RAPH1: variants seen among roughly 807,000 people sequenced by gnomAD.
RAPH1 encodes the protein Ras association (RalGDS/AF-6) and pleckstrin homology domains 1.
Under a neutral mutation model 88.1 loss-of-function variants are expected in RAPH1, and 18 were observed. The ratio of observed to expected loss-of-function variants is 0.20; its 90% CI spans 0.14 to 0.30. The LOEUF (loss-of-function observed/expected upper bound fraction) is 0.30. RAPH1 is among the 10% of genes least tolerant of loss of function. The probability of loss-of-function intolerance (pLI) is 1.00; values close to 1 mark genes in which losing one functional copy is unlikely to be tolerated. For missense variants in RAPH1, 1,448 were observed against 1,543.2 expected, an observed-to-expected ratio of 0.94 and a Z score of 1.03; for synonymous variants, 587 against 559.0, an observed-to-expected ratio of 1.05 and a Z score of -0.71.
intron 1 of RAPH1, among the ~76,000 whole-genome samples, chr2:203,513,209 TG>T (rs34396607): frequency 0.019 from 2,821 of 149,608 alleles, 94 homozygotes; most frequent in African/African-American, 0.065. Context: ...TGCAGAAAAA[TG>T]GGGGGGGGAA....
chr2:203,439,794 G>A lies in RAPH1; in HGVS notation c.3396C>T (p.Arg1132=), dbSNP rs73060644. The change falls in exon 14 of 14, where the codon CGC becomes CGT. Residue 1132 remains arginine (R), a synonymous_variant. Transcript: ENST00000319170. ...PTRPKRNDST[R]LTQAEISEQP... is the part of the protein sequence containing the mutation. ...GCTCAGAAATCTCAGCTTGAGTGAG[G>A]CGGGTGCTATCATTCCGTTTGGGTC... is the stretch of plus-strand genomic sequence containing the variant. 9.0e-4 allele frequency: 1,449 copies of A among 1,614,144 alleles called. 14 individuals carry two copies. The African/African-American group carries it at 0.017, about 19-fold the overall frequency.
chr2:203,516,457 A>G (rs1689610366), intron 1 of RAPH1, among the ~76,000 whole-genome samples: 1 of 152,256 alleles, frequency 6.6e-6, no homozygotes, highest in Non-Finnish European at 1.5e-5. Flanking sequence ...CAATTGAAAG[A>G]GATTTTTGTT....
At position 203,437,686 on chromosome 2, in the gene RAPH1, G is replaced by A. The variant is rs1220946605; in HGVS notation, c.*1751C>T. On this transcript the variant is annotated 3_prime_UTR_variant, in exon 14 of 14. Coordinates refer to ENST00000319170, the MANE Select transcript of RAPH1 (RefSeq NM_213589.3). ...CTCTGTTTACGATGCGGTTTTCGTG[G>A]AGTGTGGGTTATGCAAGACCTTGAG... The A allele has an allele frequency of 6.5e-6, 1 of 153,700 alleles. No homozygotes were observed. Among genetic ancestry groups the A allele is most frequent in the Non-Finnish European group, 1.4e-5 (1 of 69,182 alleles). 9.5% of individuals were successfully genotyped at this position (153,700 alleles called of 1,614,324 possible).
At chr2:203,527,946 C>T (rs750504899) in intron 1 of RAPH1, among the ~76,000 whole-genome samples, 10 of 151,864 alleles carry the variant, frequency 6.6e-5, no homozygotes, top group Non-Finnish European at 1.3e-4. Flanking sequence ...GAAACTGAAG[C>T]AAGAACAGAG....
chr2:203,534,526 T>G (rs1423469730), intron 1 of RAPH1, among the ~76,000 whole-genome samples: 2 of 14,964 alleles, frequency 1.3e-4, no homozygotes, highest in Non-Finnish European at 2.1e-4. Flanking sequence ...CCCCCCCCCA[T>G]GAATTGCAGT....
At chr2:203,488,580 C>T (rs1327344745) in intron 4 of RAPH1, among the ~76,000 whole-genome samples, 1 of 107,094 alleles carries the variant, frequency 9.3e-6, no homozygotes, top group Non-Finnish European at 1.8e-5. Flanking sequence ...GAATGAGACT[C>T]CGTCTATTAA....
rs753601844 is a variant in RAPH1 at position 203,439,660 on chromosome 2, G to C, written c.3530C>G (p.Ser1177Cys). Reference protein sequence around the residue: ...ADLNRTLQRKSITRHGSLSSR... With the variant: ...ADLNRTLQRKCITRHGSLSSR... ...GGAGAGTGAGCCGTGCCGAGTGATGGACTTTCGTTGCAGTGTCCTGTTGAG... is the reference window on the plus strand; with the variant it reads ...GGAGAGTGAGCCGTGCCGAGTGATGCACTTTCGTTGCAGTGTCCTGTTGAG... Residue 1177 changes from serine to cysteine, a missense_variant, in exon 14 of 14, where the codon TCC becomes TGC. Physicochemically the swap from Ser to Cys is moderately radical, Grantham distance 112. Transcript: ENST00000319170. 3 of 1,613,982 alleles carry C rather than the reference G, an allele frequency of 1.9e-6. No individual in the cohort carries two copies. The African/African-American group carries it at 4.0e-5, about 22-fold the overall frequency.
intron 9 of RAPH1, 122 bp downstream of exon 9, chr2:203,455,315 A>T: frequency 1.1e-6 from 1 of 903,588 alleles, no homozygotes; most frequent in Non-Finnish European, 1.7e-6. Flanking sequence ...ACAAAGCAAT[A>T]TTCTATGTCT....
chr2:203,460,357 T>A (rs751807658), intron 6 of RAPH1, among the ~76,000 whole-genome samples: 32 of 152,216 alleles, frequency 2.1e-4, no homozygotes, highest in Non-Finnish European at 4.6e-4. Context: ...TAAGTTTCGA[T>A]ATCAAGTATT....
At chr2:203,511,262 A>G (rs891283193) in intron 1 of RAPH1, among the ~76,000 whole-genome samples, 1 of 151,150 alleles carries the variant, frequency 6.6e-6, no homozygotes, top group Non-Finnish European at 1.5e-5. Flanking sequence ...CTAAAGGTAC[A>G]TTTCTTTAAA....
At chr2:203,507,488 C>T (rs1274449228) in intron 1 of RAPH1, among the ~76,000 whole-genome samples, 1 of 152,120 alleles carries the variant, frequency 6.6e-6, no homozygotes, top group Non-Finnish European at 1.5e-5. Flanking sequence ...CAACCTTAAC[C>T]AAGTGACCAA....
intron 1 of RAPH1, among the ~76,000 whole-genome samples, chr2:203,502,999 A>G (rs1366216431): frequency 2.0e-5 from 3 of 150,518 alleles, no homozygotes; most frequent in Non-Finnish European, 3.0e-5. Context: ...AATTAGCTGG[A>G]TGTAGTGGCT....
intron 1 of RAPH1, among the ~76,000 whole-genome samples, chr2:203,500,668 A>G (rs1230919933): frequency 6.6e-6 from 1 of 152,240 alleles, no homozygotes; most frequent in Non-Finnish European, 1.5e-5. Flanking sequence ...GTTTAACAAA[A>G]TATAAACAAC....
chr2:203,444,990 TGGAGTGGTTTGACTGAGACTCTG>T lies in RAPH1; in HGVS notation c.1634-3_1653del. On this transcript the variant is annotated splice_acceptor_variant and splice_polypyrimidine_tract_variant and coding_sequence_variant and intron_variant, in exon 13 of 14. Coordinates refer to ENST00000319170, the MANE Select transcript of RAPH1 (RefSeq NM_213589.3). LOFTEE classifies it high-confidence loss of function. ...TCAGAAACTCCGCTATCAGACTGATTGGAGTGGTTTGACTGAGACTCTGTTTAAAATAGTTTTTTAAACATAGG... is the reference window on the plus strand; with the variant it reads ...TCAGAAACTCCGCTATCAGACTGATTTTTAAAATAGTTTTTTAAACATAGG... The T allele has an allele frequency of 6.2e-7, 1 of 1,613,750 alleles. No homozygotes were observed. Among genetic ancestry groups the T allele is most frequent in the Middle Eastern group, 1.6e-4 (1 of 6,062 alleles).
chr2:203,506,863 T>TATATATATAG (rs1689091176), intron 1 of RAPH1, among the ~76,000 whole-genome samples: 1 of 88,960 alleles, frequency 1.1e-5, no homozygotes, highest in Non-Finnish European at 2.1e-5. Flanking sequence ...TATCTATATA[T>TATATATATAG]ATATATATAT....
Position 203,531,531 on chromosome 2 carries a change from A to G in RAPH1, c.-1+3580T>C, listed in dbSNP as rs1177665544. On this transcript the variant is annotated intron_variant, in intron 1 of 13. Coordinates refer to ENST00000319170, the MANE Select transcript of RAPH1 (RefSeq NM_213589.3). ...TCCAGAGTGTACAAAGAACTCCTAC[A>G]ACTCACCAAAAAACAACCTACTTTA... 2.6e-5 allele frequency among the ~76,000 whole-genome samples: 4 copies of G among 152,226 alleles called. No homozygotes were observed. In the East Asian group the frequency reaches 7.7e-4, roughly 29 times the overall value.
Position 203,439,210 on chromosome 2 carries a change from C to G in RAPH1, c.*227G>C, listed in dbSNP as rs1377005612. 7 of 457,908 alleles carry G rather than the reference C, an allele frequency of 1.5e-5. No individual in the cohort carries two copies. Among genetic ancestry groups the G allele is most frequent in the Non-Finnish European group, 2.3e-5 (6 of 256,874 alleles). 28.4% of individuals were successfully genotyped at this position (457,908 alleles called of 1,614,324 possible). A position where few individuals can be genotyped will look rare whatever the true frequency, so the allele number is the denominator to read the frequency against. Reference sequence around the variant, plus strand: ...GAGAAAAGGAATAAATAGAATAACTCTCAGCTCTCTCTCTATATACACATA... The same window carrying G: ...GAGAAAAGGAATAAATAGAATAACTGTCAGCTCTCTCTCTATATACACATA... On this transcript the variant is annotated 3_prime_UTR_variant, in exon 14 of 14. Transcript: ENST00000319170.
chr2:203,521,613 T>C (rs1278830602), intron 1 of RAPH1, among the ~76,000 whole-genome samples: 1 of 152,116 alleles, frequency 6.6e-6, no homozygotes, highest in East Asian at 1.9e-4. Context: ...TTTTATACTT[T>C]GGTTAAAATG....
Position 203,435,504 on chromosome 2 carries a change from A to T in RAPH1, c.*3933T>A, listed in dbSNP as rs1442278299. The T allele has an allele frequency of 6.6e-6, 1 of 151,332 alleles. No individual in the cohort carries two copies. The highest frequency in any genetic ancestry group is 1.5e-5 in the Non-Finnish European group (1 of 68,016). The allele number at this position is 151,332 out of a possible 1,614,324, so 9.4% of individuals were successfully genotyped here. A position where few individuals can be genotyped will look rare whatever the true frequency, so the allele number is the denominator to read the frequency against. ...TAGGAGTACCCTGCATAATTTATAC[A>T]AATGTAAAGTGTATATTAAAAAAAA... On this transcript the variant is annotated 3_prime_UTR_variant, in exon 14 of 14. Transcript: ENST00000319170.
Sources: gnomAD v4.1 joint callset for allele counts (sites outside exome capture counted in the v4.1 genomes callset) on GRCh38, gnomAD v4.1.1 for gene constraint, MANE v1.5 for transcripts, NCBI Gene and HGNC (gene_info 2026-07-23, HGNC 2026-07-21) for gene names.